The following NEK11 variants were observed in gnomAD, a reference collection of about 807,000 sequenced individuals.
NEK11 encodes serine/threonine-protein kinase Nek11.
Under a neutral mutation model 80.7 loss-of-function variants are expected in NEK11, and 72 were observed. That is an observed-to-expected ratio of 0.89 (90% CI 0.74 to 1.08). NEK11 has a LOEUF of 1.08. NEK11 is among the 50% of genes least tolerant of loss of function. The pLI, the probability that NEK11 is intolerant of heterozygous loss-of-function variation, is 0.00. For synonymous variants in NEK11, 251 were observed against 260.7 expected, an observed-to-expected ratio of 0.96 and a Z score of 0.36; for missense variants, 764 against 763.6, an observed-to-expected ratio of 1.00 and a Z score of -0.01.
intron 3 of NEK11, among the ~76,000 whole-genome samples, chr3:131,077,386 C>G (rs775996611): frequency 6.6e-6 from 1 of 152,066 alleles, no homozygotes; most frequent in African/African-American, 2.4e-5. Flanking sequence ...GGAAGGTGAA[C>G]GTCTCCGCAT....
intron 16 of NEK11, among the ~76,000 whole-genome samples, chr3:131,263,257 A>T (rs895440400): frequency 5.3e-5 from 8 of 152,022 alleles, no homozygotes; most frequent in African/African-American, 1.9e-4. Context: ...TCATTGTTCA[A>T]TTCTTACCAA....
chr3:131,082,256 T>G (rs1360407487), intron 4 of NEK11, among the ~76,000 whole-genome samples: 1 of 152,236 alleles, frequency 6.6e-6, no homozygotes, highest in African/African-American at 2.4e-5. Flanking sequence ...ATGCATATGT[T>G]GCATACTATG....
chr3:131,339,562 G>A (rs1319677995), intron 17 of NEK11, among the ~76,000 whole-genome samples: 3 of 152,178 alleles, frequency 2.0e-5, no homozygotes, highest in African/African-American at 4.8e-5. Flanking sequence ...CTTCAGCTGT[G>A]TGAATGTACC....
chr3:131,160,935 A>G (rs1382320103), intron 10 of NEK11, among the ~76,000 whole-genome samples: 1 of 152,228 alleles, frequency 6.6e-6, no homozygotes. Context: ...AAGTTCTCAG[A>G]AAGCTTTACA....
At chr3:131,235,378 T>C (rs1441317621) in intron 15 of NEK11, among the ~76,000 whole-genome samples, 1 of 152,138 alleles carries the variant, frequency 6.6e-6, no homozygotes, top group East Asian at 1.9e-4. Context: ...CTGCAAAAAA[T>C]ATGAAAACCA....
intron 4 of NEK11, among the ~76,000 whole-genome samples, chr3:131,104,547 G>A (rs2078887084): frequency 2.0e-5 from 3 of 152,124 alleles, no homozygotes; most frequent in South Asian, 4.1e-4. Context: ...CCAGAGGAAA[G>A]AAGAGCGATG....
chr3:131,221,128 A>G (rs542277189), intron 14 of NEK11, among the ~76,000 whole-genome samples: 2 of 152,266 alleles, frequency 1.3e-5, no homozygotes, highest in Non-Finnish European at 2.9e-5. Context: ...TTAGAGATTT[A>G]TGTACTCATT....
At chr3:131,108,322 A>C (rs529398841) in intron 4 of NEK11, among the ~76,000 whole-genome samples, 10 of 152,134 alleles carry the variant, frequency 6.6e-5, no homozygotes, top group Non-Finnish European at 1.2e-4. Flanking sequence ...TCTTAACAAC[A>C]ACTCTGTCAT....
intron 4 of NEK11, among the ~76,000 whole-genome samples, chr3:131,096,517 G>A (rs1157425423): frequency 6.6e-6 from 1 of 152,030 alleles, no homozygotes; most frequent in Non-Finnish European, 1.5e-5. Context: ...TTGGTAGAAT[G>A]ATCTATTTTC....
intron 4 of NEK11, among the ~76,000 whole-genome samples, chr3:131,102,017 G>A (rs1018405818): frequency 1.3e-5 from 2 of 151,998 alleles, no homozygotes; most frequent in Admixed American, 1.3e-4. Flanking sequence ...TAAAATCTGG[G>A]TTATTTTATA....
intron 16 of NEK11, among the ~76,000 whole-genome samples, chr3:131,243,876 G>A (rs1412157870): frequency 1.3e-5 from 2 of 152,030 alleles, no homozygotes; most frequent in Non-Finnish European, 2.9e-5. Flanking sequence ...TCACTCCGAA[G>A]GTCAGTCAGT....
intron 7 of NEK11, chr3:131,134,343 A>G (rs2085108965): frequency 6.4e-6 from 1 of 155,668 alleles, no homozygotes; most frequent in South Asian, 2.1e-4. Flanking sequence ...CAGCTTTTCT[A>G]TATTTTTTTC....
intron 5 of NEK11, among the ~76,000 whole-genome samples, chr3:131,131,958 G>A (rs969231014): frequency 6.6e-6 from 1 of 151,752 alleles, no homozygotes; most frequent in Non-Finnish European, 1.5e-5. Flanking sequence ...CTTCTTCATT[G>A]TTTAGAAGTG....
At chr3:131,180,664 A>G (rs1231888188) in intron 14 of NEK11, among the ~76,000 whole-genome samples, 1 of 152,230 alleles carries the variant, frequency 6.6e-6, no homozygotes, top group Non-Finnish European at 1.5e-5. Flanking sequence ...ATTGAGAAAT[A>G]TCATATTGTA....
chr3:131,300,187 A>C (rs1038818540), intron 17 of NEK11, among the ~76,000 whole-genome samples: 1 of 152,166 alleles, frequency 6.6e-6, no homozygotes. Context: ...TCTTTTAAGA[A>C]GTGTCTGTTC....
chr3:131,078,775 A>G (rs1051343295), intron 3 of NEK11, among the ~76,000 whole-genome samples: 3 of 152,114 alleles, frequency 2.0e-5, no homozygotes, highest in Non-Finnish European at 4.4e-5. Flanking sequence ...ACATTAATTA[A>G]AACATTTACA....
At chr3:131,254,052 G>A (rs1011986706) in intron 16 of NEK11, among the ~76,000 whole-genome samples, 14 of 152,120 alleles carry the variant, frequency 9.2e-5, no homozygotes, top group African/African-American at 2.4e-4. Flanking sequence ...CATGTTCTCC[G>A]TAAGTTGTCA....
chr3:131,185,095 A>G (rs1378023071), intron 14 of NEK11, among the ~76,000 whole-genome samples: 1 of 152,178 alleles, frequency 6.6e-6, no homozygotes, highest in Non-Finnish European at 1.5e-5. Context: ...TAGTCTCCCC[A>G]TGGAATTCAT....
chr3:131,090,220 C>G (rs557263431), intron 4 of NEK11, among the ~76,000 whole-genome samples: 11 of 152,038 alleles, frequency 7.2e-5, no homozygotes, highest in Admixed American at 3.3e-4. Flanking sequence ...TCTTTAAAGC[C>G]TCGACATTTC....
Sources: allele counts gnomAD v4.1 joint callset (sites outside exome capture counted in the v4.1 genomes callset), GRCh38; gene constraint gnomAD v4.1.1; transcripts MANE v1.5; gene names NCBI Gene and HGNC (gene_info 2026-07-23, HGNC 2026-07-21).